Variants in FSIP2 observed in about 807,000 individuals in gnomAD.
The protein encoded by FSIP2 is fibrous sheath-interacting protein 2.
A neutral mutation model predicts 510.5 loss-of-function variants in FSIP2; 367 were observed. That is an observed-to-expected ratio of 0.72 (90% CI 0.66 to 0.78). FSIP2 has a LOEUF of 0.78. Ranked by LOEUF, FSIP2 falls within the 30% of genes least tolerant of loss-of-function variation. FSIP2 has a pLI of 0.00. For missense variants in FSIP2, 7,594 were observed against 7,901.7 expected, an observed-to-expected ratio of 0.96 and a Z score of 1.48; for synonymous variants, 2,601 against 2,732.2, an observed-to-expected ratio of 0.95 and a Z score of 1.50.
chr2:185,763,002 C>T (rs1692386654), intron 11 of FSIP2, among the ~76,000 whole-genome samples, 181 bp from the exon 12 acceptor site: 1 of 151,412 alleles, frequency 6.6e-6, no homozygotes, highest in Non-Finnish European at 1.5e-5. Context: ...CAGTAAACAT[C>T]AAAAAAGACG....
chr2:185,807,300 T>C lies in FSIP2; in HGVS notation c.17994T>C (p.Cys5998=), dbSNP rs763203202. The change falls in exon 17 of 23, where the codon TGT becomes TGC. Residue 5998 remains cysteine, a synonymous_variant. Transcript: ENST00000424728. ...TGGCCCAAACAGCCAGCAAAGAATG[T>C]CAAACTTCATCACCATATACAATAA... ...QKLAQTASKE[C]QTSSPYTIIL... is the part of the protein sequence containing the mutation. The C allele has an allele frequency of 6.2e-7, 1 of 1,612,714 alleles. No homozygotes were observed. The highest frequency in any genetic ancestry group is 1.7e-5 in the Admixed American group (1 of 59,870).
chr2:185,795,580 A>C lies in FSIP2; in HGVS notation c.8444A>C (p.Gln2815Pro). 6.5e-7 allele frequency: 1 copy of C among 1,535,070 alleles called. No homozygotes were observed. Among genetic ancestry groups the C allele is most frequent in the Non-Finnish European group, 8.7e-7 (1 of 1,146,096 alleles). Reference protein sequence around the residue: ...NIGTGSLPKQQACFYLENVSS... With the variant: ...NIGTGSLPKQPACFYLENVSS... The stretch of plus-strand genomic sequence containing the variant: ...GGCACAGGATCCCTTCCTAAACAAC[A>C]AGCATGTTTTTACTTGGAGAATGTT... Residue 2815 changes from glutamine (Q) to proline (P), a missense_variant, in exon 16 of 23, where the codon CAA (glutamine) becomes CCA (proline). By Grantham distance (76) the Gln-to-Pro change is moderately conservative (BLOSUM62 -1). Coordinates refer to ENST00000424728, the MANE Select transcript of FSIP2 (RefSeq NM_173651.4).
In FSIP2 at chr2:185,799,708, G is replaced by C. The variant is rs1481435312; in HGVS notation, c.10402G>C (p.Glu3468Gln). The change falls in exon 17 of 23, where the codon GAA becomes CAA. Residue 3468 changes from glutamate to glutamine, a missense_variant. Glu to Gln is a conservative substitution (Grantham distance 29). Coordinates refer to ENST00000424728, the MANE Select transcript of FSIP2 (RefSeq NM_173651.4). Reference protein sequence around the residue: ...KNFETTVFSEEKMSVSTWSRK... With the variant: ...KNFETTVFSEQKMSVSTWSRK... ...TTTCCTTTTTTAAGTTTTTAGTGAG[G>C]AAAAGATGTCTGTTTCTACATGGTC... 5 of 1,318,688 alleles carry C rather than the reference G, an allele frequency of 3.8e-6. No individual in the cohort carries two copies. Among genetic ancestry groups the C allele is most frequent in the Non-Finnish European group, 5.0e-6 (5 of 999,960 alleles). The allele number at this position is 1,318,688 out of a possible 1,614,324, so 81.7% of individuals were successfully genotyped here.
At position 185,797,255 on chromosome 2, in the gene FSIP2, G is replaced by T; in HGVS notation, c.10119G>T (p.Gly3373=). Residue 3373 remains glycine (G), a synonymous_variant, in exon 16 of 23, where the codon GGG becomes GGT. Transcript: ENST00000424728. ...GCTCTTTATCTGAAGTATCTGGAGG[G>T]CAAAAGGATAACGAAAAAAGTTTGC... is the stretch of plus-strand genomic sequence containing the variant. ...KQSSLSEVSG[G]QKDNEKSLLR... The T allele has an allele frequency of 6.5e-7, 1 of 1,534,532 alleles. No individual in the cohort carries two copies. The highest frequency in any genetic ancestry group is 8.7e-7 in the Non-Finnish European group (1 of 1,146,118).
chr2:185,821,127 G>A (rs369296567), intron 19 of FSIP2, among the ~76,000 whole-genome samples: 1 of 151,022 alleles, frequency 6.6e-6, no homozygotes, highest in African/African-American at 2.4e-5. Context: ...AATAGCAACT[G>A]AGTTTATAGA....
chr2:185,764,407 A>G, intron 12 of FSIP2, 95 bp from the exon 13 acceptor site: 1 of 618,952 alleles, frequency 1.6e-6, no homozygotes, highest in Non-Finnish European at 2.7e-6. Context: ...AAAATCTTAA[A>G]TTTCTGTACT....
At chr2:185,833,041 C>G in intron 22 of FSIP2, 49 bp from the exon 23 acceptor site, 1 of 1,568,978 alleles carries the variant, frequency 6.4e-7, no homozygotes, top group South Asian at 1.1e-5. Flanking sequence ...TATTTTACCT[C>G]AGTGTTCAAA....
chr2:185,790,208 A>T lies in FSIP2; in HGVS notation c.3072A>T (p.Lys1024Asn). The change falls in exon 16 of 23, where the codon AAA becomes AAT. Residue 1024 changes from lysine (K) to asparagine (N), a missense_variant. Lys to Asn is a moderately conservative substitution (Grantham distance 94, BLOSUM62 0). Coordinates refer to ENST00000424728, the MANE Select transcript of FSIP2 (RefSeq NM_173651.4). ...TTGATTCAACTTTCAAAGATGAAAA[A>T]GTAAAATCACAAGAACAGATTCCTA... Reference protein sequence around the residue: ...NVLDSTFKDEKVKSQEQIPNH... With the variant: ...NVLDSTFKDENVKSQEQIPNH... 2 of 1,531,348 alleles carry T rather than the reference A, an allele frequency of 1.3e-6. No homozygotes were observed. Among genetic ancestry groups the T allele is most frequent in the Non-Finnish European group, 1.7e-6 (2 of 1,144,876 alleles). 94.9% of individuals were successfully genotyped at this position (1,531,348 alleles called of 1,614,324 possible). A position where few individuals can be genotyped will look rare whatever the true frequency, so the allele number is the denominator to read the frequency against.
At chr2:185,753,228 T>G (rs1559011688) in intron 7 of FSIP2, among the ~76,000 whole-genome samples, 2 of 151,388 alleles carry the variant, frequency 1.3e-5, no homozygotes, top group Admixed American at 1.3e-4. Flanking sequence ...TAATCCATTT[T>G]CTTGCTAAAT....
At chr2:185,763,341 T>C (rs1692394212) in intron 12 of FSIP2, 52 bp downstream of exon 12, 2 of 763,078 alleles carry the variant, frequency 2.6e-6, no homozygotes, top group Non-Finnish European at 4.5e-6. Flanking sequence ...AGGGATATGA[T>C]CTTATGGTCA....
At position 185,803,552 on chromosome 2, in the gene FSIP2, C is replaced by A. The variant is rs758970492; in HGVS notation, c.14246C>A (p.Ala4749Glu). 10 of 1,532,766 alleles carry A rather than the reference C, an allele frequency of 6.5e-6. No individual in the cohort carries two copies. The highest frequency in any genetic ancestry group is 1.4e-5 in the African/African-American group (1 of 72,826). 94.9% of individuals were successfully genotyped at this position (1,532,766 alleles called of 1,614,324 possible). The change falls in exon 17 of 23, where the codon GCA becomes GAA. Residue 4749 changes from alanine to glutamate, a missense_variant. By Grantham distance (107) the Ala-to-Glu change is moderately radical. Coordinates refer to ENST00000424728, the MANE Select transcript of FSIP2 (RefSeq NM_173651.4). ...FDFQIHPDLI[A>E]NLPFKSHSKL... ...TTCCAAATTCATCCAGATCTTATAG[C>A]AAATCTGCCTTTTAAATCACATTCC...
In FSIP2 at chr2:185,800,910, T is replaced by A; in HGVS notation, c.11604T>A (p.Phe3868Leu). ...AACAAGCTCCGGAAAGTCTACCTTTTGCAAATAAGCATTTGAACTACAGAA... is the reference window on the plus strand; with the variant it reads ...AACAAGCTCCGGAAAGTCTACCTTTAGCAAATAAGCATTTGAACTACAGAA... ...SIQQAPESLP[F>L]ANKHLNYRTR... The change falls in exon 17 of 23, where the codon TTT (phenylalanine) becomes TTA (leucine). Residue 3868 changes from phenylalanine to leucine, a missense_variant. Transcript: ENST00000424728. 1 of 1,532,762 alleles carries A rather than the reference T, an allele frequency of 6.5e-7. No homozygotes were observed. Among genetic ancestry groups the A allele is most frequent in the African/African-American group, 1.4e-5 (1 of 72,906 alleles). The allele number at this position is 1,532,762 out of a possible 1,614,324, so 94.9% of individuals were successfully genotyped here. A position where few individuals can be genotyped will look rare whatever the true frequency, so the allele number is the denominator to read the frequency against.
At position 185,760,058 on chromosome 2, in the gene FSIP2, T is replaced by C. The variant is rs907923048; in HGVS notation, c.1079-930T>C. ...TATTTTCAAATTTATTGGCATACAT[T>C]TTTCATGTATTTCTTTATTATTTCA... On this transcript the variant is annotated intron_variant, in intron 9 of 22. Transcript: ENST00000424728. Among the ~76,000 whole-genome samples, 10 of 151,050 alleles carry C rather than the reference T, an allele frequency of 6.6e-5. No homozygotes were observed. In the Admixed American group the frequency reaches 6.6e-4, roughly 10 times the overall value.
At chr2:185,762,114 A>G (rs1335139312) in intron 11 of FSIP2, 97 bp downstream of exon 11, 1 of 578,470 alleles carries the variant, frequency 1.7e-6, no homozygotes, top group Non-Finnish European at 2.9e-6. Context: ...TTATAAAAAT[A>G]TGCTTATTCT....
chr2:185,747,873 A>G (rs577155351), intron 7 of FSIP2, among the ~76,000 whole-genome samples: 1 of 152,180 alleles, frequency 6.6e-6, no homozygotes, highest in Admixed American at 6.6e-5. Context: ...TAGTTCTCAC[A>G]TATACACATA....
At position 185,797,468 on chromosome 2, in the gene FSIP2, G is replaced by A. The variant is rs1693320188; in HGVS notation, c.10332G>A (p.Leu3444=). The change falls in exon 16 of 23, where the codon CTG becomes CTA. Residue 3444 remains leucine, a synonymous_variant. Coordinates refer to ENST00000424728, the MANE Select transcript of FSIP2 (RefSeq NM_173651.4). ...AAATGGGTTCCAATGAAGTTCATCT[G>A]ATAGCAAGACATGTCACCACATCTG... The part of the protein sequence containing the change: ...DHEMGSNEVH[L]IARHVTTSVV... 6.6e-7 allele frequency: 1 copy of A among 1,524,692 alleles called. No individual in the cohort carries two copies. Among genetic ancestry groups the A allele is most frequent in the South Asian group, 1.2e-5 (1 of 81,322 alleles). 94.4% of individuals were successfully genotyped at this position (1,524,692 alleles called of 1,614,324 possible). A position where few individuals can be genotyped will look rare whatever the true frequency, so the allele number is the denominator to read the frequency against.
intron 8 of FSIP2, 58 bp from the exon 9 acceptor site, chr2:185,756,134 T>C (rs991094161): frequency 7.9e-5 from 52 of 654,130 alleles, no homozygotes; most frequent in Non-Finnish European, 1.1e-4. Context: ...GTAGTCTATC[T>C]TGGGTAATTC....
Position 185,791,992 on chromosome 2 carries a change from G to T in FSIP2, c.4856G>T (p.Trp1619Leu). ...AATAAGAAAAGCAATAAGATAGGCT[G>T]GGAATATGAAAGCACCAATATTTCC... ...DGNKKSNKIG[W>L]EYESTNISRD... Residue 1619 changes from tryptophan (W) to leucine (L), a missense_variant, in exon 16 of 23, where the codon TGG becomes TTG. Coordinates refer to ENST00000424728, the MANE Select transcript of FSIP2 (RefSeq NM_173651.4). The T allele has an allele frequency of 6.5e-7, 1 of 1,533,884 alleles. No homozygotes were observed. The highest frequency in any genetic ancestry group is 8.7e-7 in the Non-Finnish European group (1 of 1,145,372).
At chr2:185,761,735 G>GT (rs766128450) in intron 10 of FSIP2, among the ~76,000 whole-genome samples, 8 of 151,226 alleles carry the variant, frequency 5.3e-5, no homozygotes, top group Non-Finnish European at 1.2e-4. Context: ...GACTGGAGAA[G>GT]AAGTAAGTTT....
Sources: gnomAD v4.1 joint callset for allele counts (sites outside exome capture counted in the v4.1 genomes callset) on GRCh38, gnomAD v4.1.1 for gene constraint, MANE v1.5 for transcripts, NCBI Gene and HGNC (gene_info 2026-07-23, HGNC 2026-07-21) for gene names.